BLTP3B: variants seen among roughly 807,000 people sequenced by gnomAD.
The protein encoded by BLTP3B is UHRF1 (ICBP90) binding protein 1-like.
At chr12:100,142,577 G>A in the BLTP3B span, 5 of 1,607,460 alleles carry the variant, frequency 3.1e-6, no homozygotes, top group Admixed American at 1.7e-5. Flanking sequence ...CGCCGACACC[G>A]AGGCGCTCAC....
chr12:100,070,338 G>A, the BLTP3B span, among the ~76,000 whole-genome samples: 1 of 151,268 alleles, frequency 6.6e-6, no homozygotes, highest in African/African-American at 2.4e-5. Flanking sequence ...CCAGGCTGGA[G>A]TGCAATGGCA....
At chr12:100,037,234 T>C in the BLTP3B span, 1 of 967,006 alleles carries the variant, frequency 1.0e-6, no homozygotes, top group Non-Finnish European at 1.2e-6. Context: ...TAAATAATAG[T>C]AAATTATTAA....
chr12:100,088,868 C>A, the BLTP3B span: 1 of 1,398,702 alleles, frequency 7.1e-7, no homozygotes, highest in South Asian at 1.6e-5. Flanking sequence ...GTTTTGTAGT[C>A]AATTCTAGAA....
At chr12:100,119,150 T>A in the BLTP3B span, among the ~76,000 whole-genome samples, 2 of 152,202 alleles carry the variant, frequency 1.3e-5, no homozygotes, top group Admixed American at 6.5e-5. Flanking sequence ...TGTTTCTATA[T>A]GTAGCAACAA....
At chr12:100,130,949 C>CATACATACATACATACATACAT in the BLTP3B span, among the ~76,000 whole-genome samples, 461 of 97,562 alleles carry the variant, frequency 4.7e-3, 1 homozygote, top group African/African-American at 0.021. Context: ...TACATACATA[C>CATACATACATACATACATACAT]ATATATATAT....
At chr12:100,055,745 GGGAAAACTACTTAAACTT>G in the BLTP3B span, among the ~76,000 whole-genome samples, 1 of 151,374 alleles carries the variant, frequency 6.6e-6, no homozygotes, top group African/African-American at 2.4e-5. Context: ...ATGTGACTAT[GGGAAAACTACTTAAACTT>G]CAGGAGCCTC....
At chr12:100,090,319 A>C in the BLTP3B span, among the ~76,000 whole-genome samples, 1 of 152,168 alleles carries the variant, frequency 6.6e-6, no homozygotes, top group Non-Finnish European at 1.5e-5. Context: ...CCTGAAGAGA[A>C]ATAGTATAGA....
the BLTP3B span, among the ~76,000 whole-genome samples, chr12:100,131,148 C>G: frequency 6.6e-6 from 1 of 150,996 alleles, no homozygotes; most frequent in Non-Finnish European, 1.5e-5. Context: ...CCATCTCTAC[C>G]AAAAATACAA....
the BLTP3B span, chr12:100,097,525 T>C: frequency 6.3e-7 from 1 of 1,584,708 alleles, no homozygotes; most frequent in African/African-American, 1.3e-5. Flanking sequence ...ACACAGAGAT[T>C]AACTTCACTT....
At chr12:100,041,357 T>C in the BLTP3B span, among the ~76,000 whole-genome samples, 5 of 151,748 alleles carry the variant, frequency 3.3e-5, no homozygotes, top group Admixed American at 3.3e-4. Context: ...ATATGATACT[T>C]AGTGGTGAAA....
chr12:100,063,134 G>T, the BLTP3B span, among the ~76,000 whole-genome samples: 1 of 152,120 alleles, frequency 6.6e-6, no homozygotes, highest in African/African-American at 2.4e-5. Context: ...CTCACATAGT[G>T]AATTTTTGCT....
At chr12:100,100,277 C>A in the BLTP3B span, among the ~76,000 whole-genome samples, 14 of 151,922 alleles carry the variant, frequency 9.2e-5, no homozygotes, top group African/African-American at 3.4e-4. Flanking sequence ...TGCACTCCAG[C>A]CTGGGCAACA....
At chr12:100,069,343 C>T in the BLTP3B span, among the ~76,000 whole-genome samples, 5 of 152,008 alleles carry the variant, frequency 3.3e-5, no homozygotes, top group East Asian at 1.9e-4. Context: ...CAGCAAAACT[C>T]GCAATTACAA....
the BLTP3B span, among the ~76,000 whole-genome samples, chr12:100,119,679 G>A: frequency 6.6e-6 from 1 of 151,800 alleles, no homozygotes; most frequent in Non-Finnish European, 1.5e-5. Flanking sequence ...GCAAAAACAA[G>A]TCAATGAAAA....
At chr12:100,134,755 C>T in the BLTP3B span, among the ~76,000 whole-genome samples, 2 of 152,302 alleles carry the variant, frequency 1.3e-5, no homozygotes, top group Admixed American at 6.5e-5. Context: ...TTTTCCATTG[C>T]TTATGTTGCT....
the BLTP3B span, among the ~76,000 whole-genome samples, chr12:100,080,359 T>G: frequency 6.6e-5 from 10 of 151,886 alleles, no homozygotes; most frequent in Non-Finnish European, 1.3e-4. Flanking sequence ...CTTTTTTTTT[T>G]TTTTTTGTTT....
chr12:100,072,851 T>TA, the BLTP3B span: 19 of 1,552,754 alleles, frequency 1.2e-5, no homozygotes, highest in Non-Finnish European at 1.1e-5. Flanking sequence ...TCACACTGAA[T>TA]AAAAACCTTT....
the BLTP3B span, among the ~76,000 whole-genome samples, chr12:100,116,900 A>G: frequency 6.6e-6 from 1 of 152,220 alleles, no homozygotes; most frequent in Non-Finnish European, 1.5e-5. Flanking sequence ...GTTGCAGGAT[A>G]TAAGGCCAAT....
At chr12:100,056,189 C>T in the BLTP3B span, among the ~76,000 whole-genome samples, 1 of 152,044 alleles carries the variant, frequency 6.6e-6, no homozygotes, top group African/African-American at 2.4e-5. Flanking sequence ...GAGAGCTTAC[C>T]CCTACATGAA....
Sources: allele counts gnomAD v4.1 joint callset (sites outside exome capture counted in the v4.1 genomes callset), GRCh38; gene constraint gnomAD v4.1.1; transcripts MANE v1.5; gene names NCBI Gene and HGNC (gene_info 2026-07-23, HGNC 2026-07-21).